The following TNN variants were observed in gnomAD, a reference collection of about 807,000 sequenced individuals.
TNN encodes tenascin-N.
A neutral mutation model predicts 134.4 loss-of-function variants in TNN; 122 were observed. The ratio of observed to expected loss-of-function variants is 0.91; its 90% CI spans 0.78 to 1.06. TNN has a LOEUF of 1.06. Among genes scored for constraint, TNN ranks in the 50% least tolerant of loss-of-function variants. The pLI is 0.00. For synonymous variants in TNN, 710 were observed against 670.3 expected (o/e 1.06, Z -0.91); for missense variants, 1,739 against 1,699.4 (o/e 1.02, Z -0.41).
chr1:175,107,170 G>A (rs1185826460), intron 9 of TNN, among the ~76,000 whole-genome samples: 1 of 146,460 alleles, frequency 6.8e-6, no homozygotes, highest in African/African-American at 2.5e-5. Context: ...AACCCTCGTG[G>A]TGAGTGTTAC....
At position 175,094,071 on chromosome 1, in the gene TNN, T is replaced by G. The variant is rs1428939993; in HGVS notation, c.1406T>G (p.Val469Gly). The change falls in exon 7 of 19, where the codon GTC (valine) becomes GGC (glycine). Residue 469 changes from valine to glycine, a missense_variant. Transcript: ENST00000239462. ...ATVSWDPVQAVIDKYVVRYTS... is the reference protein window; with the variant it reads ...ATVSWDPVQAGIDKYVVRYTS... ...GTCTCCTGGGACCCAGTGCAGGCTGTCATAGACAAGTATGTAGTGCGCTAC... is the reference window on the plus strand; with the variant it reads ...GTCTCCTGGGACCCAGTGCAGGCTGGCATAGACAAGTATGTAGTGCGCTAC... The G allele has an allele frequency of 6.2e-7, 1 of 1,614,180 alleles. No homozygotes were observed. Among genetic ancestry groups the G allele is most frequent in the South Asian group, 1.1e-5 (1 of 91,080 alleles).
chr1:175,120,416 A>C (rs1166728096), intron 11 of TNN, among the ~76,000 whole-genome samples: 1 of 152,218 alleles, frequency 6.6e-6, no homozygotes. Context: ...ACACTCAAAT[A>C]ACAGTTGCAT....
chr1:175,106,144 C>T lies in TNN; in HGVS notation c.2119+7549C>T, dbSNP rs549834550. On this transcript the variant is annotated intron_variant, in intron 9 of 18. Coordinates refer to ENST00000239462, the MANE Select transcript of TNN (RefSeq NM_022093.2). ...ACTGAGAAAAATCAGATTTAGTGGC[C>T]CTTACTGACGCATTCTCAAAAACCT... Among the ~76,000 whole-genome samples the T allele has an allele frequency of 2.1e-5, 3 of 145,350 alleles. 1 individual carries two copies. The South Asian group carries it at 6.9e-4, about 33-fold the overall frequency.
chr1:175,109,335 G>T (rs1034893804), intron 9 of TNN, among the ~76,000 whole-genome samples: 1 of 150,798 alleles, frequency 6.6e-6, no homozygotes, highest in South Asian at 2.1e-4. Flanking sequence ...TGATGCACCC[G>T]CCTCGGCCTC....
chr1:175,093,901 C>A, intron 6 of TNN, 89 bp from the exon 7 acceptor site: 1 of 1,403,654 alleles, frequency 7.1e-7, no homozygotes, highest in Non-Finnish European at 9.8e-7. Flanking sequence ...TGAACTAGGT[C>A]ACCCAGGTGA....
At chr1:175,102,969 C>T (rs981889843) in intron 9 of TNN, among the ~76,000 whole-genome samples, 10 of 146,264 alleles carry the variant, frequency 6.8e-5, no homozygotes, top group East Asian at 2.3e-4. Context: ...CCTGCAGTTG[C>T]GGTGTCCTTC....
At chr1:175,131,917 TACACAC>T (rs3028571) in intron 15 of TNN, among the ~76,000 whole-genome samples, 1,825 of 136,402 alleles carry the variant, frequency 0.013, 45 homozygotes, top group African/African-American at 0.047. Context: ...GAAGTATTAT[TACACAC>T]ACACACACAC....
chr1:175,085,637 G>A, intron 6 of TNN, 143 bp downstream of exon 6: 2 of 643,236 alleles, frequency 3.1e-6, no homozygotes, highest in East Asian at 2.8e-5. Context: ...CACTTTGGGA[G>A]GCCAAGGCAG....
intron 4 of TNN, among the ~76,000 whole-genome samples, chr1:175,082,766 A>C (rs1214621482): frequency 6.6e-6 from 1 of 152,132 alleles, no homozygotes; most frequent in African/African-American, 2.4e-5. Context: ...AGGGAGGTGA[A>C]GGTGGGGGCG....
At chr1:175,070,538 G>C (rs1338067468) in intron 1 of TNN, among the ~76,000 whole-genome samples, 1 of 152,142 alleles carries the variant, frequency 6.6e-6, no homozygotes, top group Non-Finnish European at 1.5e-5. Flanking sequence ...AGAATGGGGG[G>C]ACAGAGTGAT....
intron 18 of TNN, 33 bp downstream of exon 18, chr1:175,144,583 G>A (rs750783761): frequency 1.9e-6 from 3 of 1,607,550 alleles, no homozygotes; most frequent in East Asian, 2.2e-5. Flanking sequence ...TTCTGTCCCA[G>A]GGTATGTCCA....
chr1:175,123,729 T>G, intron 12 of TNN, 66 bp downstream of exon 12: 9 of 1,595,132 alleles, frequency 5.6e-6, no homozygotes, highest in Non-Finnish European at 7.7e-6. Context: ...CCTCCATCAG[T>G]GGGCTGGGGA....
intron 9 of TNN, among the ~76,000 whole-genome samples, chr1:175,114,322 A>C (rs1675109219): frequency 6.6e-6 from 1 of 152,232 alleles, no homozygotes; most frequent in Non-Finnish European, 1.5e-5. Flanking sequence ...TGACATCAGC[A>C]ATAACTATGG....
chr1:175,090,305 C>T (rs1257711601), intron 6 of TNN, among the ~76,000 whole-genome samples: 7 of 152,104 alleles, frequency 4.6e-5, no homozygotes, highest in Admixed American at 1.3e-4. Flanking sequence ...TTTCTACAAA[C>T]GATGCCTTTT....
intron 1 of TNN, among the ~76,000 whole-genome samples, chr1:175,068,291 A>G (rs1001605897): frequency 6.6e-6 from 1 of 151,812 alleles, no homozygotes; most frequent in Non-Finnish European, 1.5e-5. Context: ...TTTTTAACTT[A>G]CTTACAATGT....
chr1:175,129,783 G>A (rs1223550737), intron 15 of TNN, among the ~76,000 whole-genome samples: 1 of 152,050 alleles, frequency 6.6e-6, no homozygotes, highest in Non-Finnish European at 1.5e-5. Context: ...TTCATCTCAG[G>A]TCATCCAAGA....
rs148213349 is a variant in TNN, at chr1:175,095,494, A to G, written c.1588+1241A>G. 2.7e-4 allele frequency among the ~76,000 whole-genome samples: 41 copies of G among 152,330 alleles called. 3 individuals are homozygous for G. In the East Asian group the frequency reaches 3.3e-3, roughly 12 times the overall value. Reference sequence around the variant, plus strand: ...TTGTAGATTGCCCCTCCTGGTTTACATTACACGTGACTCTCTGTTTACTAG... The same window carrying G: ...TTGTAGATTGCCCCTCCTGGTTTACGTTACACGTGACTCTCTGTTTACTAG... On this transcript the variant is annotated intron_variant, in intron 7 of 18. Transcript: ENST00000239462.
In TNN at chr1:175,128,807, C is replaced by T. The variant is rs977034406; in HGVS notation, c.3330+61C>T. ...GGCCTTCCTTCTCAGCCCAGGATGC[C>T]GGTCATGGATGCTCCATAGAGTGTT... On this transcript the variant is annotated intron_variant, in intron 15 of 18. Transcript: ENST00000239462. 77 of 1,527,644 alleles carry T rather than the reference C, an allele frequency of 5.0e-5. No homozygotes were observed. In the Admixed American group the frequency reaches 8.7e-4, roughly 17 times the overall value. The allele number at this position is 1,527,644 out of a possible 1,614,324, so 94.6% of individuals were successfully genotyped here.
At chr1:175,075,997 C>T (rs1036355587) in intron 1 of TNN, among the ~76,000 whole-genome samples, 10 of 152,216 alleles carry the variant, frequency 6.6e-5, no homozygotes, top group African/African-American at 9.7e-5. Context: ...TGTCAAGAGA[C>T]AGCTCTGCAG....
Sources: allele counts gnomAD v4.1 joint callset (sites outside exome capture counted in the v4.1 genomes callset), GRCh38; gene constraint gnomAD v4.1.1; transcripts MANE v1.5; gene names NCBI Gene and HGNC (gene_info 2026-07-23, HGNC 2026-07-21).